Variants in PCDH9 observed in about 807,000 individuals in gnomAD.
PCDH9 encodes the protein protocadherin-9.
Under a neutral mutation model 70.6 loss-of-function variants are expected in PCDH9, and 24 were observed. The ratio of observed to expected loss-of-function variants is 0.34; its 90% CI spans 0.25 to 0.48. The LOEUF is 0.48. PCDH9 is among the 20% of genes least tolerant of loss of function. The probability of loss-of-function intolerance (pLI) is 0.99; values close to 1 mark genes in which losing one functional copy is unlikely to be tolerated. For missense variants in PCDH9, 1,281 were observed against 1,503.6 expected (o/e 0.85, Z 2.45); for synonymous variants, 562 against 558.5 (o/e 1.01, Z -0.09).
chr13:66,581,996 C>A (rs796536943), intron 4 of PCDH9, among the ~76,000 whole-genome samples: 80 of 152,236 alleles, frequency 5.3e-4, no homozygotes, highest in African/African-American at 1.9e-3. Flanking sequence ...GAACTTAAAT[C>A]TTCCTCTGGA....
Position 67,227,461 on chromosome 13 carries a change from T to G in PCDH9, c.980A>C (p.Lys327Thr). Residue 327 changes from lysine (K) to threonine (T), a missense_variant, in exon 2 of 5, where the codon AAA becomes ACA. By Grantham distance (78) the Lys-to-Thr change is moderately conservative (BLOSUM62 -1). Around this residue, in one of 4 missense-constraint regions of PCDH9, gnomAD observed 798 missense variants for 1,003.1 expected, o/e 0.80. Transcript: ENST00000377865. The surrounding 1 kb of genome is among the most constrained non-coding windows in gnomAD (Gnocchi z 4.6). ...GCCGTCACTAGCCAGCACTGTCACT[T>G]TGTGAATGGCTGTCTCCTCTCTATC... ...SLDREETAIHKVTVLASDGSS... is the reference protein window; with the variant it reads ...SLDREETAIHTVTVLASDGSS... 3.1e-6 allele frequency: 5 copies of G among 1,613,972 alleles called. No homozygotes were observed. Among genetic ancestry groups the G allele is most frequent in the Non-Finnish European group, 4.2e-6 (5 of 1,179,910 alleles).
intron 4 of PCDH9, among the ~76,000 whole-genome samples, chr13:66,463,711 G>C (rs1017365477): frequency 1.3e-5 from 2 of 151,670 alleles, no homozygotes; most frequent in Non-Finnish European, 3.0e-5. Context: ...GGATCCATTG[G>C]ATCCATTCCC....
intron 3 of PCDH9, among the ~76,000 whole-genome samples, chr13:66,861,179 A>G (rs1284998407): frequency 6.6e-6 from 1 of 152,140 alleles, no homozygotes; most frequent in African/African-American, 2.4e-5. Flanking sequence ...GAAAGATAGT[A>G]CTCTTGTGAC....
At chr13:66,324,789 T>C (rs189516680) in intron 4 of PCDH9, among the ~76,000 whole-genome samples, 6 of 152,146 alleles carry the variant, frequency 3.9e-5, no homozygotes, top group Admixed American at 3.3e-4. Context: ...TCTGGAAATA[T>C]TCAAAACATG....
At chr13:67,004,393 A>G (rs1285048359) in intron 2 of PCDH9, among the ~76,000 whole-genome samples, 1 of 151,940 alleles carries the variant, frequency 6.6e-6, no homozygotes, top group Non-Finnish European at 1.5e-5. Context: ...CAACAAGGTG[A>G]AACCCTGTCT....
At chr13:67,056,775 T>C (rs113589793) in intron 2 of PCDH9, among the ~76,000 whole-genome samples, 187 of 152,268 alleles carry the variant, frequency 1.2e-3, no homozygotes, top group Middle Eastern at 3.4e-3. Context: ...TGGTACTTAG[T>C]GAGTGTCAGT....
chr13:66,964,200 A>G (rs1171495252), intron 2 of PCDH9, among the ~76,000 whole-genome samples: 2 of 151,974 alleles, frequency 1.3e-5, no homozygotes, highest in East Asian at 3.9e-4. Flanking sequence ...ATTCTCTATA[A>G]CTTTCTGGAG....
intron 3 of PCDH9, among the ~76,000 whole-genome samples, chr13:66,684,810 A>G (rs914195753): frequency 6.6e-6 from 1 of 152,120 alleles, no homozygotes; most frequent in Non-Finnish European, 1.5e-5. Flanking sequence ...TGTGAAAGTG[A>G]TTTTGGAACT....
Position 67,225,870 on chromosome 13 carries a change from C to A in PCDH9, c.2571G>T (p.Met857Ile). 1 of 1,614,044 alleles carries A rather than the reference C, an allele frequency of 6.2e-7. No individual in the cohort carries two copies. Among genetic ancestry groups the A allele is most frequent in the South Asian group, 1.1e-5 (1 of 91,080 alleles). The change falls in exon 2 of 5, where the codon ATG (methionine) becomes ATT (isoleucine). Residue 857 changes from methionine (M) to isoleucine (I), a missense_variant. Met to Ile is a conservative substitution (Grantham distance 10). Around this residue, in one of 4 missense-constraint regions of PCDH9, gnomAD observed 207 missense variants for 191.8 expected, o/e 1.08. Coordinates refer to ENST00000377865, the MANE Select transcript of PCDH9 (RefSeq NM_203487.3). ...AQRSKQGAEW[M>I]SPNQENKQNK... ...TTTGCTTGTTCTCCTGGTTTGGGGA[C>A]ATCCATTCGGCACCTTGCTTGCTCC...
intron 3 of PCDH9, among the ~76,000 whole-genome samples, chr13:66,879,114 A>T (rs191927806): frequency 6.6e-6 from 1 of 152,336 alleles, no homozygotes; most frequent in East Asian, 1.9e-4. Context: ...AACACTTAGT[A>T]GATTTGCTGT....
rs564124674 is a variant in PCDH9, at chr13:66,557,869, GGGCTGGAAACAGT to G, written c.3340+73328_3340+73340del. On this transcript the variant is annotated intron_variant, in intron 4 of 4. Transcript: ENST00000377865. ...CGCATTAGAGACAAAGAAGAGAAGTGGGCTGGAAACAGTGGCTCATGCCTGTAATCCCAACAGT... is the reference window on the plus strand; with the variant it reads ...CGCATTAGAGACAAAGAAGAGAAGTGGGCTCATGCCTGTAATCCCAACAGT... Among the ~76,000 whole-genome samples the G allele has an allele frequency of 2.8e-4, 43 of 152,224 alleles. 1 individual carries two copies. In the East Asian group the frequency reaches 7.7e-3, roughly 27 times the overall value.
chr13:66,350,528 G>A (rs1350777121), intron 4 of PCDH9, among the ~76,000 whole-genome samples: 1 of 152,134 alleles, frequency 6.6e-6, no homozygotes, highest in Non-Finnish European at 1.5e-5. Context: ...TTGTTGCAGA[G>A]CTAGTCTCAT....
intron 4 of PCDH9, among the ~76,000 whole-genome samples, chr13:66,495,100 A>C (rs981368559): frequency 2.0e-5 from 3 of 152,154 alleles, no homozygotes; most frequent in Non-Finnish European, 4.4e-5. Flanking sequence ...TGAATTTAGC[A>C]GATGGGTATA....
intron 3 of PCDH9, among the ~76,000 whole-genome samples, chr13:66,794,866 A>G (rs765741416): frequency 1.2e-4 from 19 of 152,018 alleles, no homozygotes; most frequent in Non-Finnish European, 2.4e-4. Context: ...CTACATCTAT[A>G]GTATCTTTAA....
At chr13:66,744,675 A>G (rs2079330880) in intron 3 of PCDH9, among the ~76,000 whole-genome samples, 1 of 152,142 alleles carries the variant, frequency 6.6e-6, no homozygotes, top group Admixed American at 6.6e-5. Flanking sequence ...ATTATTTTCA[A>G]TATAAACACA....
chr13:67,092,801 G>A (rs931007700), intron 2 of PCDH9, among the ~76,000 whole-genome samples: 12 of 152,202 alleles, frequency 7.9e-5, no homozygotes, highest in East Asian at 1.9e-4. Flanking sequence ...TTATAACATC[G>A]TTAGGTTTCT....
intron 4 of PCDH9, among the ~76,000 whole-genome samples, chr13:66,416,188 T>A (rs1354767490): frequency 1.3e-5 from 2 of 152,078 alleles, no homozygotes; most frequent in African/African-American, 4.8e-5. Flanking sequence ...AAGCATGACC[T>A]GAGTATTCTG....
intron 3 of PCDH9, among the ~76,000 whole-genome samples, chr13:66,861,680 A>G (rs2081487267): frequency 2.0e-5 from 3 of 152,178 alleles, no homozygotes; most frequent in Admixed American, 2.0e-4. Flanking sequence ...CCAGTGGGCC[A>G]TGTTGCTTCC....
At position 66,910,315 on chromosome 13, in the gene PCDH9, T is replaced by C. The variant is rs952690165; in HGVS notation, c.3037-6710A>G. 5.6e-4 allele frequency among the ~76,000 whole-genome samples: 86 copies of C among 152,216 alleles called. 1 individual carries two copies. The highest frequency in any genetic ancestry group is 6.9e-4 in the Non-Finnish European group (47 of 68,044). On this transcript the variant is annotated intron_variant, in intron 2 of 4. Coordinates refer to ENST00000377865, the MANE Select transcript of PCDH9 (RefSeq NM_203487.3). ...TTATATAGTCTTCTGGCACAGGCCATTAAATAGACCAGTTGGCTTCCCTTA... is the reference window on the plus strand; with the variant it reads ...TTATATAGTCTTCTGGCACAGGCCACTAAATAGACCAGTTGGCTTCCCTTA...
Sources: allele counts gnomAD v4.1 joint callset (sites outside exome capture counted in the v4.1 genomes callset), GRCh38; gene constraint gnomAD v4.1.1; regional missense constraint gnomAD v4.1.1; non-coding constraint Gnocchi (gnomAD v3.1); transcripts MANE v1.5; gene names NCBI Gene and HGNC (gene_info 2026-07-23, HGNC 2026-07-21).